The following FRMD4B variants were observed in gnomAD, a reference collection of about 807,000 sequenced individuals.
The protein encoded by FRMD4B is FERM domain containing 4B.
Under a neutral mutation model 141.5 loss-of-function variants are expected in FRMD4B, and 74 were observed. That is an observed-to-expected ratio of 0.52 (90% CI 0.43 to 0.63). The LOEUF (loss-of-function observed/expected upper bound fraction) is 0.63. Ranked by LOEUF, FRMD4B falls within the 30% of genes least tolerant of loss-of-function variation. The probability of loss-of-function intolerance (pLI) is 0.00; values close to 1 mark genes in which losing one functional copy is unlikely to be tolerated. For missense variants in FRMD4B, 1,366 were observed against 1,253.4 expected, an observed-to-expected ratio of 1.09 and a Z score of -1.36; for synonymous variants, 506 against 467.9, an observed-to-expected ratio of 1.08 and a Z score of -1.05.
intron 2 of FRMD4B, among the ~76,000 whole-genome samples, chr3:69,421,821 G>C (rs565701929): frequency 4.1e-4 from 63 of 152,296 alleles, no homozygotes; most frequent in Middle Eastern, 3.4e-3. Flanking sequence ...CCTAAGTGAT[G>C]TCTAAGATAA....
intron 1 of FRMD4B, among the ~76,000 whole-genome samples, chr3:69,466,422 T>G (rs1017275623): frequency 1.3e-5 from 2 of 152,284 alleles, no homozygotes; most frequent in African/African-American, 4.8e-5. Context: ...TCTTAAATGT[T>G]AAAGGTATGA....
intron 3 of FRMD4B, among the ~76,000 whole-genome samples, chr3:69,309,607 AT>A (rs34067186): frequency 0.22 from 24,425 of 108,776 alleles, 1,823 homozygotes; most frequent in African/African-American, 0.31. Context: ...TACCTGGCTG[AT>A]TTTTTTTTTT....
At chr3:69,463,476 TC>T (rs1214137528) in intron 1 of FRMD4B, among the ~76,000 whole-genome samples, 1 of 152,270 alleles carries the variant, frequency 6.6e-6, no homozygotes, top group East Asian at 1.9e-4. Flanking sequence ...CAAAACATTT[TC>T]ATTTAATGAG....
At chr3:69,196,666 C>G in intron 13 of FRMD4B, 1 of 578,398 alleles carries the variant, frequency 1.7e-6, no homozygotes, top group Admixed American at 3.5e-5. Flanking sequence ...AGCAGTGTCA[C>G]CAGTATATAC....
chr3:69,424,379 G>C (rs1367104125), intron 2 of FRMD4B, among the ~76,000 whole-genome samples: 1 of 152,098 alleles, frequency 6.6e-6, no homozygotes, highest in African/African-American at 2.4e-5. Context: ...CTGCAGCATC[G>C]AACTCCTGGA....
chr3:69,326,666 T>C (rs528504094), intron 1 of FRMD4B, among the ~76,000 whole-genome samples: 24 of 152,316 alleles, frequency 1.6e-4, no homozygotes, highest in South Asian at 8.3e-4. Flanking sequence ...CCACAGTTTA[T>C]AAGGGGCTAG....
intron 1 of FRMD4B, among the ~76,000 whole-genome samples, chr3:69,490,841 G>T (rs1012635694): frequency 6.6e-6 from 1 of 152,052 alleles, no homozygotes; most frequent in East Asian, 1.9e-4. Flanking sequence ...TGAAGCACAC[G>T]ATAAGGTTGC....
intron 2 of FRMD4B, among the ~76,000 whole-genome samples, chr3:69,416,897 C>A (rs930936599): frequency 2.6e-5 from 4 of 152,142 alleles, no homozygotes; most frequent in South Asian, 2.1e-4. Context: ...TTTTTTATGG[C>A]TGCATAGTAT....
chr3:69,398,908 C>CATAT (rs372358744), intron 2 of FRMD4B, among the ~76,000 whole-genome samples: 1 of 151,656 alleles, frequency 6.6e-6, no homozygotes, highest in African/African-American at 2.4e-5. Flanking sequence ...CATACTGTAA[C>CATAT]ATATATATAT....
intron 7 of FRMD4B, among the ~76,000 whole-genome samples, chr3:69,230,058 CCTCTGCCTCCCAGGTTCAAGCAATT>C (rs1460770933): frequency 6.6e-6 from 1 of 151,626 alleles, no homozygotes. Flanking sequence ...CTCACTGCAA[CCTCTGCCTCCCAGGTTCAAGCAATT>C]CTCTGCCTCA....
intron 1 of FRMD4B, among the ~76,000 whole-genome samples, chr3:69,341,491 G>A (rs1702737144): frequency 6.6e-6 from 1 of 152,200 alleles, no homozygotes. Context: ...ATGGCTGCAG[G>A]AGTGGAGGTG....
chr3:69,427,643 G>GGTTTTT (rs1705105763), intron 2 of FRMD4B, among the ~76,000 whole-genome samples: 1 of 36,238 alleles, frequency 2.8e-5, no homozygotes, highest in South Asian at 1.4e-3. Context: ...CTAGGTAAAT[G>GGTTTTT]TTTTTTTTTT....
intron 2 of FRMD4B, among the ~76,000 whole-genome samples, chr3:69,407,531 A>C (rs570659866): frequency 6.6e-6 from 1 of 152,366 alleles, no homozygotes; most frequent in East Asian, 1.9e-4. Flanking sequence ...CTCCGGACTT[A>C]ACAAGAGGTG....
chr3:69,436,012 G>A (rs1705254038), intron 1 of FRMD4B, among the ~76,000 whole-genome samples: 1 of 152,106 alleles, frequency 6.6e-6, no homozygotes, highest in Non-Finnish European at 1.5e-5. Flanking sequence ...CAGCATAAGA[G>A]ACTTGAGAAA....
intron 1 of FRMD4B, among the ~76,000 whole-genome samples, chr3:69,532,032 G>A: frequency 6.6e-6 from 1 of 152,182 alleles, no homozygotes; most frequent in East Asian, 1.9e-4. Flanking sequence ...AAATGACCAT[G>A]ATATGTCCTC....
rs141522509 is a variant in FRMD4B, at chr3:69,307,634, C to T, written c.323+3629G>A. On this transcript the variant is annotated intron_variant, in intron 3 of 22. Transcript: ENST00000398540. ...GATTACAGGCGTGAGCCACCACACC[C>T]GGCCTACTATTTCTTTTCTTTCCGA... Among the ~76,000 whole-genome samples the T allele has an allele frequency of 9.0e-4, 137 of 152,234 alleles. 2 individuals are homozygous for T. In the East Asian group the frequency reaches 0.023, roughly 26 times the overall value.
chr3:69,461,461 A>C (rs1026520529), intron 1 of FRMD4B, among the ~76,000 whole-genome samples: 1 of 151,828 alleles, frequency 6.6e-6, no homozygotes, highest in Non-Finnish European at 1.5e-5. Context: ...CCCCATCTCT[A>C]AAATAAATAA....
intron 1 of FRMD4B, among the ~76,000 whole-genome samples, chr3:69,345,767 G>A (rs1247139914): frequency 6.6e-6 from 1 of 152,290 alleles, no homozygotes; most frequent in Non-Finnish European, 1.5e-5. Flanking sequence ...CTGCAGCTGA[G>A]GGTCCTGACT....
At chr3:69,194,928 G>T in intron 16 of FRMD4B, 94 bp downstream of exon 16, 2 of 1,136,254 alleles carry the variant, frequency 1.8e-6, no homozygotes, top group Non-Finnish European at 1.3e-6. Flanking sequence ...ATAACATACA[G>T]CAGAGACTCA....
Sources: gnomAD v4.1 joint callset for allele counts (sites outside exome capture counted in the v4.1 genomes callset) on GRCh38, gnomAD v4.1.1 for gene constraint, MANE v1.5 for transcripts, NCBI Gene and HGNC (gene_info 2026-07-23, HGNC 2026-07-21) for gene names.